PABPC4L: variants seen among roughly 807,000 people sequenced by gnomAD.
PABPC4L encodes poly(A) binding protein cytoplasmic 4 like, also known as polyadenylate-binding protein 4-like.
For synonymous variants in PABPC4L, 169 were observed against 164.1 expected (o/e 1.03, Z -0.23); for missense variants, 452 against 451.4 (o/e 1.00, Z -0.01).
At chr4:134,085,187 G>C in the PABPC4L span, among the ~76,000 whole-genome samples, 1 of 152,070 alleles carries the variant, frequency 6.6e-6, no homozygotes, top group Non-Finnish European at 1.5e-5. Flanking sequence ...TTTTAGGCTT[G>C]AAAGTGGGGT....
At chr4:134,018,918 C>T in the PABPC4L span, among the ~76,000 whole-genome samples, 2 of 151,984 alleles carry the variant, frequency 1.3e-5, no homozygotes, top group Admixed American at 1.3e-4. Flanking sequence ...TAGTGGTATT[C>T]TCCTTTCAAT....
At chr4:133,971,067 A>C in the PABPC4L span, among the ~76,000 whole-genome samples, 172 of 149,062 alleles carry the variant, frequency 1.2e-3, no homozygotes, top group Non-Finnish European at 1.9e-3. Context: ...GTGTATATCT[A>C]GGTCCTGTAG....
the PABPC4L span, among the ~76,000 whole-genome samples, chr4:134,155,129 C>A: frequency 6.6e-6 from 1 of 152,114 alleles, no homozygotes; most frequent in African/African-American, 2.4e-5. Flanking sequence ...TTGAACCACT[C>A]TAGATTACAT....
At chr4:133,954,313 G>A in the PABPC4L span, among the ~76,000 whole-genome samples, 2 of 152,088 alleles carry the variant, frequency 1.3e-5, no homozygotes, top group Non-Finnish European at 2.9e-5. Context: ...TCTTTAAGGG[G>A]GAACATGGGG....
the PABPC4L span, among the ~76,000 whole-genome samples, chr4:134,136,666 T>C: frequency 6.6e-6 from 1 of 152,214 alleles, no homozygotes; most frequent in Non-Finnish European, 1.5e-5. Flanking sequence ...ATTCTAGAAA[T>C]ATATTACAAT....
At chr4:134,152,665 G>A in the PABPC4L span, among the ~76,000 whole-genome samples, 4 of 152,152 alleles carry the variant, frequency 2.6e-5, no homozygotes, top group Non-Finnish European at 4.4e-5. Context: ...CAGTTTCAAA[G>A]CTGCTTCCAC....
At chr4:134,037,601 C>A in the PABPC4L span, among the ~76,000 whole-genome samples, 3 of 151,794 alleles carry the variant, frequency 2.0e-5, no homozygotes, top group African/African-American at 7.2e-5. Flanking sequence ...GAAAAGTGAG[C>A]AAAAGAATAG....
the PABPC4L span, among the ~76,000 whole-genome samples, chr4:134,074,833 T>G: frequency 6.6e-6 from 1 of 152,230 alleles, no homozygotes; most frequent in East Asian, 1.9e-4. Flanking sequence ...ACTCACTCAC[T>G]ATCATGAGAA....
chr4:134,156,825 A>C, the PABPC4L span, among the ~76,000 whole-genome samples: 1 of 151,996 alleles, frequency 6.6e-6, no homozygotes, highest in South Asian at 2.1e-4. Flanking sequence ...GTCCTTTTTA[A>C]AATTCAAATC....
At chr4:133,965,807 A>C in the PABPC4L span, among the ~76,000 whole-genome samples, 2 of 152,228 alleles carry the variant, frequency 1.3e-5, no homozygotes, top group African/African-American at 4.8e-5. Flanking sequence ...TCTCACCTTA[A>C]ACAAAAATCA....
the PABPC4L span, among the ~76,000 whole-genome samples, chr4:134,083,601 G>GT: frequency 2.0e-5 from 3 of 152,154 alleles, no homozygotes; most frequent in Admixed American, 2.0e-4. Flanking sequence ...CATTCTGATT[G>GT]TATCAGGTGA....
At chr4:134,177,557 A>G in the PABPC4L span, among the ~76,000 whole-genome samples, 322 of 152,182 alleles carry the variant, frequency 2.1e-3, 1 homozygote, top group African/African-American at 7.3e-3. Flanking sequence ...AGAGTTGGTG[A>G]CCACACCGGC....
At chr4:134,086,801 T>G in the PABPC4L span, among the ~76,000 whole-genome samples, 3 of 151,918 alleles carry the variant, frequency 2.0e-5, no homozygotes, top group Non-Finnish European at 4.4e-5. Context: ...TTATTTGTTT[T>G]TTTTTCTTTT....
the PABPC4L span, among the ~76,000 whole-genome samples, chr4:134,177,351 T>C: frequency 6.6e-6 from 1 of 151,974 alleles, no homozygotes; most frequent in Non-Finnish European, 1.5e-5. Flanking sequence ...AATTTTTGTA[T>C]TTTTAGTAGA....
At chr4:134,160,724 C>T in the PABPC4L span, among the ~76,000 whole-genome samples, 1 of 151,888 alleles carries the variant, frequency 6.6e-6, no homozygotes, top group African/African-American at 2.4e-5. Flanking sequence ...AAAATATTAG[C>T]CAGGTGGTAT....
At chr4:134,187,670 G>A in the PABPC4L span, among the ~76,000 whole-genome samples, 4 of 152,012 alleles carry the variant, frequency 2.6e-5, no homozygotes, top group Non-Finnish European at 4.4e-5. Context: ...TTATTATTAT[G>A]TAATGCCCTT....
At chr4:133,988,162 C>G in the PABPC4L span, among the ~76,000 whole-genome samples, 5 of 152,172 alleles carry the variant, frequency 3.3e-5, no homozygotes, top group African/African-American at 1.2e-4. Context: ...GGTGGAGACA[C>G]AGCCAAACCA....
At chr4:134,155,380 A>G in the PABPC4L span, among the ~76,000 whole-genome samples, 4 of 149,240 alleles carry the variant, frequency 2.7e-5, no homozygotes, top group South Asian at 8.4e-4. Context: ...ATCTATTTCT[A>G]ATCAACTTCT....
the PABPC4L span, among the ~76,000 whole-genome samples, chr4:134,055,781 C>T: frequency 6.6e-6 from 1 of 151,544 alleles, no homozygotes; most frequent in African/African-American, 2.4e-5. Flanking sequence ...CTTGTCTTTT[C>T]ATCTTAATAG....
Sources: allele counts gnomAD v4.1 joint callset (sites outside exome capture counted in the v4.1 genomes callset), GRCh38; gene constraint gnomAD v4.1.1; transcripts MANE v1.5; gene names NCBI Gene and HGNC (gene_info 2026-07-23, HGNC 2026-07-21).